Variants in MTRES1 observed in about 807,000 individuals in gnomAD.
MTRES1 encodes the protein mitochondrial transcription rescue factor 1.
MTRES1 carries 11 observed loss-of-function variants against 17.4 expected under a neutral mutation model. The observed-to-expected ratio is 0.63, with a 90% CI of 0.40 to 1.05. The LOEUF is 1.05. Ranked by LOEUF, MTRES1 falls within the 50% of genes least tolerant of loss-of-function variation. The pLI, the probability that MTRES1 is intolerant of heterozygous loss-of-function variation, is 0.00. For synonymous variants in MTRES1, 94 were observed against 99.6 expected, an observed-to-expected ratio of 0.94 and a Z score of 0.34; for missense variants, 268 against 276.2, an observed-to-expected ratio of 0.97 and a Z score of 0.21.
At chr6:107,039,570 T>C (rs1366155419) in intron 1 of MTRES1, among the ~76,000 whole-genome samples, 179 bp from the exon 2 acceptor site, 1 of 152,148 alleles carries the variant, frequency 6.6e-6, no homozygotes, top group African/African-American at 2.4e-5. Context: ...TCCACCCACC[T>C]CAGCCTCCCA....
intron 2 of MTRES1, among the ~76,000 whole-genome samples, chr6:107,042,626 T>C (rs1774257547): frequency 6.6e-6 from 1 of 152,194 alleles, no homozygotes; most frequent in African/African-American, 2.4e-5. Flanking sequence ...AGCTGTCAGA[T>C]TGGAATCTCC....
At chr6:107,048,508 G>A (rs1245028524) in intron 3 of MTRES1, among the ~76,000 whole-genome samples, 16 of 151,398 alleles carry the variant, frequency 1.1e-4, no homozygotes, top group African/African-American at 3.4e-4. Context: ...AGGGTTGGGC[G>A]CGGTGGCTCA....
intron 2 of MTRES1, 128 bp from the exon 3 acceptor site, chr6:107,044,132 C>CA (rs1263098083): frequency 5.9e-5 from 38 of 648,500 alleles, no homozygotes; most frequent in East Asian, 9.3e-5. Context: ...AAAAAACAAA[C>CA]AAAAAAAATA....
chr6:107,044,287 TG>T lies in MTRES1; in HGVS notation c.499del (p.Glu167AsnfsTer4). 1 of 1,614,002 alleles carries T rather than the reference TG, an allele frequency of 6.2e-7. No homozygotes were observed. The highest frequency in any genetic ancestry group is 1.1e-5 in the South Asian group (1 of 91,082). ...AAGTGGAAGATGCTTTCTACAAAGG[TG>T]AACTCAGGCTGAATGAGGAAAAATT... ...NKVEDAFYKGELRLNEEKLWK... is the reference protein window; with the variant it reads ...NKVEDAFYKGXLRLNEEKLWK... On this transcript the variant is annotated frameshift_variant, in exon 3 of 4. Coordinates refer to ENST00000311381, the MANE Select transcript of MTRES1 (RefSeq NM_016487.5). LOFTEE classifies it high-confidence loss of function.
At chr6:107,041,502 G>C (rs1309531356) in intron 2 of MTRES1, among the ~76,000 whole-genome samples, 1 of 152,146 alleles carries the variant, frequency 6.6e-6, no homozygotes, top group East Asian at 1.9e-4. Context: ...ATATAATAGA[G>C]GTATTTCTGG....
intron 1 of MTRES1, among the ~76,000 whole-genome samples, chr6:107,031,787 G>C (rs754400755): frequency 1.2e-4 from 19 of 152,044 alleles, no homozygotes; most frequent in Non-Finnish European, 2.4e-4. Flanking sequence ...TAGTAGTAGA[G>C]ACAGGGTTTC....
chr6:107,032,042 A>C (rs1215453989), intron 1 of MTRES1, among the ~76,000 whole-genome samples: 1 of 152,216 alleles, frequency 6.6e-6, no homozygotes, highest in African/African-American at 2.4e-5. Context: ...ATGAGGACTA[A>C]CATGACCTTT....
In MTRES1 at chr6:107,050,646, G is replaced by A. The variant is rs149437404; in HGVS notation, c.544-411G>A. Among the ~76,000 whole-genome samples the A allele has an allele frequency of 3.0e-3, 419 of 137,804 alleles. 3 individuals are homozygous for A. Among genetic ancestry groups the A allele is most frequent in the Admixed American group, 4.5e-3 (55 of 12,174 alleles). 90.4% of individuals were successfully genotyped at this position (137,804 alleles called of 152,430 possible). A position where few individuals can be genotyped will look rare whatever the true frequency, so the allele number is the denominator to read the frequency against. The stretch of plus-strand genomic sequence containing the variant: ...GGCTGGCATGCAGTGACATGATCTT[G>A]GCTCACTGCAACCTCTACTTCCCGG... On this transcript the variant is annotated intron_variant, in intron 3 of 3. Transcript: ENST00000311381.
At chr6:107,039,002 C>T (rs1178930983) in intron 1 of MTRES1, among the ~76,000 whole-genome samples, 1 of 151,830 alleles carries the variant, frequency 6.6e-6, no homozygotes, top group Non-Finnish European at 1.5e-5. Flanking sequence ...TGCAGTGAGC[C>T]GAGATCACGC....
chr6:107,035,536 G>A (rs188030743), intron 1 of MTRES1, among the ~76,000 whole-genome samples: 7 of 152,202 alleles, frequency 4.6e-5, no homozygotes, highest in Admixed American at 2.6e-4. Context: ...TGGGTGGTTG[G>A]GAGAGTATGA....
intron 3 of MTRES1, among the ~76,000 whole-genome samples, chr6:107,047,843 G>A (rs553008642): frequency 4.6e-5 from 7 of 152,046 alleles, no homozygotes; most frequent in Non-Finnish European, 8.8e-5. Context: ...CCAAGATCGC[G>A]CCATTGCACT....
At chr6:107,048,778 CAAAAAA>C (rs10599769) in intron 3 of MTRES1, among the ~76,000 whole-genome samples, 1 of 112,910 alleles carries the variant, frequency 8.9e-6, no homozygotes, top group Non-Finnish European at 1.8e-5. Flanking sequence ...GACTCCATGT[CAAAAAA>C]AAAAAAAAAA....
intron 3 of MTRES1, among the ~76,000 whole-genome samples, chr6:107,044,694 G>C (rs1035886305): frequency 8.5e-5 from 13 of 152,200 alleles, no homozygotes; most frequent in African/African-American, 2.9e-4. Flanking sequence ...TCTTTGGCCA[G>C]TGGTATCTGA....
At chr6:107,028,860 G>T in intron 1 of MTRES1, 1 of 984,656 alleles carries the variant, frequency 1.0e-6, no homozygotes, top group Non-Finnish European at 1.2e-6. Flanking sequence ...GGATTCTGCC[G>T]TGATCATCTC....
chr6:107,042,393 C>T (rs1363284620), intron 2 of MTRES1, among the ~76,000 whole-genome samples: 1 of 148,874 alleles, frequency 6.7e-6, no homozygotes. Flanking sequence ...AGGCCCCACC[C>T]TTGGCATTCT....
At chr6:107,047,695 G>A (rs1412922188) in intron 3 of MTRES1, among the ~76,000 whole-genome samples, 2 of 151,946 alleles carry the variant, frequency 1.3e-5, no homozygotes, top group African/African-American at 2.4e-5. Flanking sequence ...GACCAGCCTG[G>A]CCAACATGGT....
Position 107,046,416 on chromosome 6 carries a change from A to G in MTRES1, c.543+2084A>G, listed in dbSNP as rs527367649. The stretch of plus-strand genomic sequence containing the variant: ...TCTGCCTTGGGTGTTCTGTTGTCTC[A>G]GCTGCCTTCCATGTTTCTTGTGAGG... On this transcript the variant is annotated intron_variant, in intron 3 of 3. Coordinates refer to ENST00000311381, the MANE Select transcript of MTRES1 (RefSeq NM_016487.5). Among the ~76,000 whole-genome samples, 3 of 137,582 alleles carry G rather than the reference A, an allele frequency of 2.2e-5. No individual in the cohort carries two copies. In the East Asian group the frequency reaches 6.4e-4, roughly 29 times the overall value. The allele number at this position is 137,582 out of a possible 152,430, so 90.3% of individuals were successfully genotyped here.
intron 1 of MTRES1, among the ~76,000 whole-genome samples, chr6:107,037,573 T>G (rs1774053964): frequency 6.6e-6 from 1 of 152,220 alleles, no homozygotes; most frequent in African/African-American, 2.4e-5. Context: ...CTAAAAAATT[T>G]AAAGGCATTT....
chr6:107,029,289 G>C (rs185634206), intron 1 of MTRES1, among the ~76,000 whole-genome samples: 35 of 151,738 alleles, frequency 2.3e-4, no homozygotes, highest in African/African-American at 7.5e-4. Flanking sequence ...CCGGGTTCAC[G>C]CCATTCTCCC....
Sources: gnomAD v4.1 joint callset for allele counts (sites outside exome capture counted in the v4.1 genomes callset) on GRCh38, gnomAD v4.1.1 for gene constraint, MANE v1.5 for transcripts, NCBI Gene and HGNC (gene_info 2026-07-23, HGNC 2026-07-21) for gene names.